The following PLSCR2 variants were observed in gnomAD, a reference collection of about 807,000 sequenced individuals.
PLSCR2 encodes the protein phospholipid scramblase 2.
Under a neutral mutation model 25.3 loss-of-function variants are expected in PLSCR2, and 18 were observed. The ratio of observed to expected loss-of-function variants is 0.71; its 90% CI spans 0.49 to 1.06. The LOEUF (loss-of-function observed/expected upper bound fraction) is 1.06, where lower values mean the gene tolerates loss of function less well. Ranked by LOEUF, PLSCR2 falls within the 50% of genes least tolerant of loss-of-function variation. The pLI is 0.00. For synonymous variants in PLSCR2, 88 were observed against 87.3 expected (o/e 1.01, Z -0.04); for missense variants, 243 against 269.5 (o/e 0.90, Z 0.69).
At chr3:146,468,693 A>C (rs1311292920) in intron 1 of PLSCR2, among the ~76,000 whole-genome samples, 1 of 152,238 alleles carries the variant, frequency 6.6e-6, no homozygotes, top group East Asian at 1.9e-4. Flanking sequence ...TTTATAAATG[A>C]GAAAACTAAG....
chr3:146,449,061 G>C (rs1576652054), intron 6 of PLSCR2, 145 bp downstream of exon 6: 1 of 637,736 alleles, frequency 1.6e-6, no homozygotes, highest in Non-Finnish European at 2.6e-6. Context: ...GAATCAAATA[G>C]AATTTCAGTG....
intron 2 of PLSCR2, chr3:146,416,464 T>C (rs2039010683): frequency 6.6e-6 from 1 of 152,188 alleles, no homozygotes; most frequent in African/African-American, 2.4e-5. Context: ...TAAATTCATG[T>C]TGTTATGGAT....
At chr3:146,422,175 C>A (rs2039175542) in intron 2 of PLSCR2, among the ~76,000 whole-genome samples, 1 of 152,068 alleles carries the variant, frequency 6.6e-6, no homozygotes, top group African/African-American at 2.4e-5. Flanking sequence ...TCATTCACAT[C>A]ATTCATGCCT....
intron 2 of PLSCR2, among the ~76,000 whole-genome samples, chr3:146,404,977 C>T (rs1361319637): frequency 6.6e-6 from 1 of 152,112 alleles, no homozygotes; most frequent in Non-Finnish European, 1.5e-5. Flanking sequence ...AGGCCTCAGG[C>T]AACCCTATCC....
intron 2 of PLSCR2, among the ~76,000 whole-genome samples, chr3:146,413,102 C>A (rs1365103620): frequency 6.6e-6 from 1 of 152,118 alleles, no homozygotes; most frequent in African/African-American, 2.4e-5. Context: ...TTTAACAGAA[C>A]CAAGACAGCC....
At chr3:146,463,758 A>T (rs915271276), upstream of PLSCR2, 5 of 489,300 alleles carry the variant, frequency 1.0e-5, no homozygotes, top group Middle Eastern at 1.0e-3. Flanking sequence ...TGCAATCCTA[A>T]GTGGTAAATA....
At chr3:146,461,577 G>T (rs903541375), upstream of PLSCR2, among the ~76,000 whole-genome samples, 1 of 152,126 alleles carries the variant, frequency 6.6e-6, no homozygotes, top group African/African-American at 2.4e-5. Flanking sequence ...ACTTTAGATG[G>T]ATATAATTTA....
intron 2 of PLSCR2, among the ~76,000 whole-genome samples, chr3:146,399,330 T>C (rs2038381888): frequency 6.6e-6 from 1 of 151,824 alleles, no homozygotes. Context: ...ATCCATATAA[T>C]GGGTTATTAT....
chr3:146,490,854 T>A (rs1221391058), intron 1 of PLSCR2, among the ~76,000 whole-genome samples: 2 of 152,128 alleles, frequency 1.3e-5, no homozygotes, highest in Admixed American at 1.3e-4. Flanking sequence ...ACATTCAAAA[T>A]CAATATCGAT....
chr3:146,402,982 G>A (rs1030914225), intron 2 of PLSCR2, among the ~76,000 whole-genome samples: 7 of 152,168 alleles, frequency 4.6e-5, no homozygotes, highest in Admixed American at 4.6e-4. Context: ...TTTTTAAGTA[G>A]AAATTATGTA....
At chr3:146,469,425 G>A in intron 1 of PLSCR2, 70 bp downstream of exon 1, 1 of 910,646 alleles carries the variant, frequency 1.1e-6, no homozygotes, top group Non-Finnish European at 1.3e-6. Context: ...TTATGGGGCG[G>A]AGCATCGTCC....
At chr3:146,398,854 A>G (rs1342717778) in intron 2 of PLSCR2, 1 of 152,236 alleles carries the variant, frequency 6.6e-6, no homozygotes, top group African/African-American at 2.4e-5. Context: ...TATTGATCCA[A>G]CTGGATATGT....
chr3:146,469,442 G>T, intron 1 of PLSCR2, 53 bp downstream of exon 1: 1 of 925,840 alleles, frequency 1.1e-6, no homozygotes, highest in Non-Finnish European at 1.3e-6. Flanking sequence ...GTCCCCACTA[G>T]CCAGGCACAC....
upstream of PLSCR2, among the ~76,000 whole-genome samples, chr3:146,463,033 T>C (rs914466438): frequency 2.6e-5 from 4 of 152,226 alleles, no homozygotes; most frequent in African/African-American, 9.6e-5. Flanking sequence ...GGCCCTGTCA[T>C]GCCAATCCTG....
At chr3:146,400,919 CTTTT>C (rs1220185529) in intron 2 of PLSCR2, among the ~76,000 whole-genome samples, 1 of 151,798 alleles carries the variant, frequency 6.6e-6, no homozygotes, top group East Asian at 1.9e-4. Context: ...AAAGAATAGT[CTTTT>C]ACAAATCATG....
chr3:146,426,987 A>G (rs916794609), intron 2 of PLSCR2, among the ~76,000 whole-genome samples: 1 of 152,216 alleles, frequency 6.6e-6, no homozygotes, highest in African/African-American at 2.4e-5. Context: ...TATAATAATA[A>G]TAGTAGTAGT....
chr3:146,484,656 A>T (rs1479741275), intron 1 of PLSCR2, among the ~76,000 whole-genome samples: 1 of 152,138 alleles, frequency 6.6e-6, no homozygotes, highest in African/African-American at 2.4e-5. Context: ...AAAGAAAAGA[A>T]TTTCCAACAC....
At chr3:146,402,215 A>C (rs536085094) in intron 2 of PLSCR2, among the ~76,000 whole-genome samples, 2 of 152,304 alleles carry the variant, frequency 1.3e-5, no homozygotes, top group African/African-American at 4.8e-5. Flanking sequence ...GAGGATTACT[A>C]TGTAGCTCTT....
intron 6 of PLSCR2, among the ~76,000 whole-genome samples, chr3:146,443,966 A>G (rs539496343): frequency 6.6e-6 from 1 of 151,654 alleles, no homozygotes; most frequent in African/African-American, 2.4e-5. Flanking sequence ...TGTTTCCATT[A>G]CCATTTGTTT....
Sources: gnomAD v4.1 joint callset for allele counts (sites outside exome capture counted in the v4.1 genomes callset) on GRCh38, gnomAD v4.1.1 for gene constraint, MANE v1.5 for transcripts, NCBI Gene and HGNC (gene_info 2026-07-23, HGNC 2026-07-21) for gene names.